Variants in APOO observed in about 807,000 individuals in gnomAD.
APOO encodes MICOS complex subunit MIC26.
In APOO, 11 loss-of-function variants were observed where a neutral mutation model predicts 23.1. That is an observed-to-expected ratio of 0.48 (90% CI 0.30 to 0.79). APOO has a LOEUF of 0.79. APOO is among the 30% of genes least tolerant of loss of function. The pLI, the probability that APOO is intolerant of heterozygous loss-of-function variation, is 0.07. For synonymous variants in APOO, 59 were observed against 54.8 expected (o/e 1.08, Z -0.34); for missense variants, 160 against 142.7 (o/e 1.12, Z -0.62).
intron 7 of APOO, among the ~76,000 whole-genome samples, chrX:23,853,794 A>AT (rs374137034): frequency 1.4e-3 from 142 of 104,446 alleles, no homozygotes; most frequent in Admixed American, 3.0e-3. Context: ...CCTGGTTATT[A>AT]TTTTTTTTTT....
intron 1 of APOO, among the ~76,000 whole-genome samples, chrX:23,887,568 T>C: frequency 9.0e-6 from 1 of 110,987 alleles, no homozygotes; most frequent in East Asian, 2.8e-4. Flanking sequence ...CTGTAATCTC[T>C]AGACTGCATG....
chrX:23,847,168 C>A (rs1048365969), intron 7 of APOO, among the ~76,000 whole-genome samples: 1 of 111,405 alleles, frequency 9.0e-6, no homozygotes, highest in African/African-American at 3.3e-5. Context: ...AGGTAACTAT[C>A]ACAGACTACT....
chrX:23,841,963 C>CATAG (rs1263098645), intron 7 of APOO, among the ~76,000 whole-genome samples: 2 of 111,507 alleles, frequency 1.8e-5, no homozygotes, highest in Non-Finnish European at 3.8e-5. Flanking sequence ...TATTCCCTTT[C>CATAG]ATAGCACTCA....
chrX:23,838,263 G>A (rs1473114286), intron 8 of APOO, among the ~76,000 whole-genome samples: 1 of 89,099 alleles, frequency 1.1e-5, no homozygotes, highest in East Asian at 4.2e-4. Context: ...GCTGAGGCAG[G>A]AGAATGACTT....
At chrX:23,854,936 G>A (rs1320809832) in intron 7 of APOO, among the ~76,000 whole-genome samples, 1 of 111,087 alleles carries the variant, frequency 9.0e-6, no homozygotes, top group Non-Finnish European at 1.9e-5. Flanking sequence ...CTTGATATTG[G>A]TATAGAATTT....
At chrX:23,858,775 ATCC>A (rs754199884) in intron 5 of APOO, 42 bp from the exon 6 acceptor site, 1 of 1,079,192 alleles carries the variant, frequency 9.3e-7, no homozygotes. Context: ...ATGATTCATT[ATCC>A]TCACCATCAC....
At position 23,850,123 on chromosome X, in the gene APOO, C is replaced by T. The variant is rs1005387649; in HGVS notation, c.561+6179G>A. Among the ~76,000 whole-genome samples, 18 of 111,606 alleles carry T rather than the reference C, an allele frequency of 1.6e-4. 1 individual carries two copies. Among genetic ancestry groups the T allele is most frequent in the Non-Finnish European group, 3.8e-5 (2 of 53,169 alleles). On this transcript the variant is annotated intron_variant, in intron 7 of 8. Coordinates refer to ENST00000379226, the MANE Select transcript of APOO (RefSeq NM_024122.5). ...TGCAATGATATCTACAATTAATTCTCAAATGGTTCAGGAAAATAAAATATA... is the reference window on the plus strand; with the variant it reads ...TGCAATGATATCTACAATTAATTCTTAAATGGTTCAGGAAAATAAAATATA...
intron 4 of APOO, among the ~76,000 whole-genome samples, chrX:23,871,807 T>G (rs1925635314): frequency 1.8e-5 from 2 of 111,874 alleles, no homozygotes; most frequent in African/African-American, 3.2e-5. Flanking sequence ...GAATGGTGAC[T>G]TAAAAAATAT....
intron 1 of APOO, among the ~76,000 whole-genome samples, chrX:23,898,445 A>G (rs1338802148): frequency 1.8e-5 from 2 of 110,736 alleles, no homozygotes; most frequent in African/African-American, 6.6e-5. Flanking sequence ...ATGTGCACAG[A>G]GAACTCTAAA....
At chrX:23,881,947 CAAAAAAAAAAAAA>C (rs56820853) in intron 1 of APOO, among the ~76,000 whole-genome samples, 7 of 31,813 alleles carry the variant, frequency 2.2e-4, no homozygotes, top group African/African-American at 2.8e-4. Flanking sequence ...GACTCCACCT[CAAAAAAAAAAAAA>C]AAAAAAAAAA....
intron 3 of APOO, among the ~76,000 whole-genome samples, chrX:23,875,675 C>T (rs1925816010): frequency 2.7e-5 from 3 of 109,317 alleles, no homozygotes; most frequent in Admixed American, 2.0e-4. Flanking sequence ...CTGCCTTGGC[C>T]TCCCAAACTG....
intron 1 of APOO, among the ~76,000 whole-genome samples, chrX:23,887,761 A>G (rs1266245560): frequency 8.9e-6 from 1 of 112,112 alleles, no homozygotes; most frequent in Admixed American, 9.5e-5. Context: ...ATCAAAGTCA[A>G]GCAAGCTCTG....
chrX:23,863,903 TAG>T (rs762936455), intron 5 of APOO, among the ~76,000 whole-genome samples: 1 of 110,416 alleles, frequency 9.1e-6, no homozygotes, highest in African/African-American at 3.3e-5. Flanking sequence ...AGGATGAAAC[TAG>T]AGAATACACA....
At chrX:23,837,461 C>A in intron 8 of APOO, 2 of 424,763 alleles carry the variant, frequency 4.7e-6, no homozygotes, top group Non-Finnish European at 8.1e-6. Flanking sequence ...GAGTTGAAGT[C>A]CAGCCTGGGT....
At chrX:23,856,834 G>A (rs1274405728) in intron 6 of APOO, among the ~76,000 whole-genome samples, 3 of 113,059 alleles carry the variant, frequency 2.7e-5, no homozygotes, top group African/African-American at 9.6e-5. Flanking sequence ...GATTACAGGC[G>A]TGGGCCAACA....
At chrX:23,907,650 C>A in intron 1 of APOO, 44 bp downstream of exon 1, 1 of 1,145,564 alleles carries the variant, frequency 8.7e-7, no homozygotes, top group Non-Finnish European at 1.2e-6. Context: ...CTCGGGCGGC[C>A]GGGAGGGGGC....
intron 5 of APOO, among the ~76,000 whole-genome samples, chrX:23,859,839 CT>C (rs768243906): frequency 9.0e-6 from 1 of 111,231 alleles, no homozygotes; most frequent in Non-Finnish European, 1.9e-5. Flanking sequence ...AAAAGAACAC[CT>C]TTTTTTCCCT....
chrX:23,847,999 C>T (rs1016771208), intron 7 of APOO, among the ~76,000 whole-genome samples: 25 of 108,536 alleles, frequency 2.3e-4, no homozygotes, highest in Non-Finnish European at 3.4e-4. Flanking sequence ...GCCTCAGCTT[C>T]CCGAGTAGCT....
At chrX:23,875,545 G>C (rs972427814) in intron 3 of APOO, among the ~76,000 whole-genome samples, 1 of 105,240 alleles carries the variant, frequency 9.5e-6, no homozygotes, top group Admixed American at 1.0e-4. Flanking sequence ...TCAGCCTCCC[G>C]AGTAGCTGGG....
Sources: gnomAD v4.1 joint callset for allele counts (sites outside exome capture counted in the v4.1 genomes callset) on GRCh38, gnomAD v4.1.1 for gene constraint, MANE v1.5 for transcripts, NCBI Gene and HGNC (gene_info 2026-07-23, HGNC 2026-07-21) for gene names.